CLEC4C: variants seen among roughly 807,000 people sequenced by gnomAD.
CLEC4C encodes the protein C-type lectin domain family 4 member C.
Under a neutral mutation model 27.7 loss-of-function variants are expected in CLEC4C, and 17 were observed. The observed-to-expected ratio is 0.61, with a 90% CI of 0.42 to 0.92. CLEC4C has a LOEUF of 0.92. Ranked by LOEUF, CLEC4C falls within the 40% of genes least tolerant of loss-of-function variation. The pLI, the probability that CLEC4C is intolerant of heterozygous loss-of-function variation, is 0.00. For synonymous variants in CLEC4C, 80 were observed against 80.8 expected, an observed-to-expected ratio of 0.99 and a Z score of 0.06; for missense variants, 244 against 257.3, an observed-to-expected ratio of 0.95 and a Z score of 0.35.
rs1367358135 is a variant in CLEC4C at position 7,738,756 on chromosome 12, C to A, written c.236-1182G>T. ...GGATCAAGTGATCCACTGGCCTCAG[C>A]TGCCCTGAAGTGCTGGAATTACAGG... On this transcript the variant is annotated intron_variant, in intron 3 of 5. Coordinates refer to ENST00000360345, the MANE Select transcript of CLEC4C (RefSeq NM_001371390.1). Among the ~76,000 whole-genome samples, 9 of 152,306 alleles carry A rather than the reference C, an allele frequency of 5.9e-5. No individual in the cohort carries two copies. In the East Asian group the frequency reaches 1.7e-3, roughly 29 times the overall value.
At chr12:7,745,271 T>TC (rs1366629057) in intron 2 of CLEC4C, among the ~76,000 whole-genome samples, 1 of 151,850 alleles carries the variant, frequency 6.6e-6, no homozygotes, top group African/African-American at 2.4e-5. Context: ...TAGCACTCCC[T>TC]CCATCATGTG....
chr12:7,730,639 TAA>T (rs80129912), intron 5 of CLEC4C, 156 bp downstream of exon 5: 15,652 of 279,986 alleles, frequency 0.056, no homozygotes, highest in South Asian at 0.084. Context: ...GACTCTTGTC[TAA>T]AAAAAAAAAA....
At chr12:7,737,637 T>A (rs1201997883) in intron 3 of CLEC4C, 63 bp from the exon 4 acceptor site, 1 of 1,485,922 alleles carries the variant, frequency 6.7e-7, no homozygotes, top group African/African-American at 1.4e-5. Context: ...CATAAAGTTA[T>A]AAGCTTAGCT....
At chr12:7,740,097 G>C (rs1336733364) in intron 3 of CLEC4C, among the ~76,000 whole-genome samples, 1 of 151,704 alleles carries the variant, frequency 6.6e-6, no homozygotes, top group Non-Finnish European at 1.5e-5. Context: ...GCCTCCCAAA[G>C]TGCTGGGATT....
chr12:7,742,807 T>G (rs1864886864), intron 2 of CLEC4C, among the ~76,000 whole-genome samples: 2 of 132,178 alleles, frequency 1.5e-5, no homozygotes, highest in African/African-American at 2.9e-5. Flanking sequence ...AGACTCCATC[T>G]CAAAAATAAA....
rs761347494 is a variant in CLEC4C at position 7,746,379 on chromosome 12, C to T, written c.76G>A (p.Val26Ile). 61 of 1,613,940 alleles carry T rather than the reference C, an allele frequency of 3.8e-5. No individual in the cohort carries two copies. In the South Asian group the frequency reaches 6.3e-4, roughly 17 times the overall value. ...WFQLKVWSMAVVSILLLSVCF... is the reference protein window; with the variant it reads ...WFQLKVWSMAIVSILLLSVCF... ...ACACTGAGGAGCAAGATGGATACGA[C>T]TGCCATGGACCAGACCTTCAACTGG... Residue 26 changes from valine to isoleucine, a missense_variant, in exon 2 of 6, where the codon GTC becomes ATC. Coordinates refer to ENST00000360345, the MANE Select transcript of CLEC4C (RefSeq NM_001371390.1).
upstream of CLEC4C, chr12:7,749,302 T>A (rs1865052014): frequency 6.6e-6 from 1 of 151,766 alleles, no homozygotes; most frequent in African/African-American, 2.4e-5. Flanking sequence ...GCCTATAATC[T>A]CAGCACTTTG....
intron 2 of CLEC4C, among the ~76,000 whole-genome samples, chr12:7,745,172 C>T (rs1378132726): frequency 1.3e-5 from 2 of 151,910 alleles, no homozygotes; most frequent in Admixed American, 1.3e-4. Flanking sequence ...AAGATAGGGG[C>T]TTTGGGAGGA....
intron 2 of CLEC4C, 146 bp from the exon 3 acceptor site, chr12:7,741,677 C>T (rs1193897204): frequency 3.3e-5 from 18 of 550,150 alleles, no homozygotes; most frequent in Admixed American, 1.5e-4. Context: ...CATTTGAGGT[C>T]GGGAGTTAGA....
At chr12:7,748,509 G>C (rs760866149), upstream of CLEC4C, among the ~76,000 whole-genome samples, 1 of 151,344 alleles carries the variant, frequency 6.6e-6, no homozygotes, top group Admixed American at 6.6e-5. Flanking sequence ...CTGGGTGACA[G>C]AGCAAGACTC....
At position 7,744,474 on chromosome 12, in the gene CLEC4C, C is replaced by T. The variant is rs1017384810; in HGVS notation, c.124+1857G>A. Among the ~76,000 whole-genome samples the T allele has an allele frequency of 1.1e-4, 17 of 152,244 alleles. No individual in the cohort carries two copies. In the South Asian group the frequency reaches 3.5e-3, roughly 32 times the overall value. The stretch of plus-strand genomic sequence containing the variant: ...CTAATCATAATATTAGATAATAGAG[C>T]ACATTTTGACACCCAAATAGTAAAC... On this transcript the variant is annotated intron_variant, in intron 2 of 5. Coordinates refer to ENST00000360345, the MANE Select transcript of CLEC4C (RefSeq NM_001371390.1).
chr12:7,731,677 C>T (rs190969993), intron 4 of CLEC4C, among the ~76,000 whole-genome samples: 30 of 152,274 alleles, frequency 2.0e-4, no homozygotes, highest in African/African-American at 5.8e-4. Flanking sequence ...ATGTTTGGCA[C>T]GTACAGGAGC....
intron 3 of CLEC4C, among the ~76,000 whole-genome samples, chr12:7,738,567 C>T (rs919152682): frequency 6.6e-6 from 1 of 151,886 alleles, no homozygotes; most frequent in African/African-American, 2.4e-5. Flanking sequence ...AGTGGCATAA[C>T]CATGGCTCAC....
At chr12:7,737,702 A>T (rs1864760392) in intron 3 of CLEC4C, 128 bp from the exon 4 acceptor site, 1 of 869,492 alleles carries the variant, frequency 1.2e-6, no homozygotes, top group African/African-American at 1.7e-5. Context: ...TCCAAAGCTG[A>T]ACTCATTTAC....
chr12:7,729,709 C>CA lies in CLEC4C; in HGVS notation c.528dup (p.Asp177Ter). On this transcript the variant is annotated frameshift_variant, in exon 6 of 6. Transcript: ENST00000360345. LOFTEE classifies it low-confidence loss of function (END_TRUNC). ...AAATTTATTATCGCACAACGCTCAT[C>CA]AAGGTTATTGGGTTCACCTGAGTGC... The CA allele has an allele frequency of 6.2e-7, 1 of 1,613,912 alleles. No individual in the cohort carries two copies. The highest frequency in any genetic ancestry group is 1.7e-5 in the Admixed American group (1 of 59,994).
Position 7,729,383 on chromosome 12 carries a change from T to G in CLEC4C, c.*213A>C. On this transcript the variant is annotated 3_prime_UTR_variant, in exon 6 of 6. Coordinates refer to ENST00000360345, the MANE Select transcript of CLEC4C (RefSeq NM_001371390.1). ...CAGCAGTCTCTGGCACATAGAAAAA[T>G]GTTCACTAAACACTCATTTTATGAA... 1 of 530,722 alleles carries G rather than the reference T, an allele frequency of 1.9e-6. No homozygotes were observed. Among genetic ancestry groups the G allele is most frequent in the South Asian group, 2.6e-5 (1 of 38,436 alleles). 32.9% of individuals were successfully genotyped at this position (530,722 alleles called of 1,614,324 possible).
chr12:7,735,169 C>G (rs1864694743), intron 4 of CLEC4C, among the ~76,000 whole-genome samples: 1 of 151,708 alleles, frequency 6.6e-6, no homozygotes, highest in African/African-American at 2.4e-5. Flanking sequence ...CCACTGCACT[C>G]CAGCCTGGGG....
At chr12:7,742,490 A>G (rs922553551) in intron 2 of CLEC4C, among the ~76,000 whole-genome samples, 2 of 148,390 alleles carry the variant, frequency 1.3e-5, no homozygotes, top group African/African-American at 4.9e-5. Flanking sequence ...TAGCCTGGGC[A>G]ATAGAGCCAG....
At chr12:7,743,318 CTT>C (rs1565463565) in intron 2 of CLEC4C, among the ~76,000 whole-genome samples, 1 of 151,910 alleles carries the variant, frequency 6.6e-6, no homozygotes, top group Non-Finnish European at 1.5e-5. Flanking sequence ...AAAACGGTCT[CTT>C]TTGTTCACTG....
Sources: allele counts gnomAD v4.1 joint callset (sites outside exome capture counted in the v4.1 genomes callset), GRCh38; gene constraint gnomAD v4.1.1; transcripts MANE v1.5; gene names NCBI Gene and HGNC (gene_info 2026-07-23, HGNC 2026-07-21).